Variants in KCNIP4 observed in about 807,000 individuals in gnomAD.
KCNIP4 encodes the protein potassium voltage-gated channel interacting protein 4.
A neutral mutation model predicts 34.0 loss-of-function variants in KCNIP4; 12 were observed. The ratio of observed to expected loss-of-function variants is 0.35; its 90% CI spans 0.23 to 0.57. The LOEUF (loss-of-function observed/expected upper bound fraction) is 0.57, where lower values mean the gene tolerates loss of function less well. Ranked by LOEUF, KCNIP4 falls within the 20% of genes least tolerant of loss-of-function variation. The pLI is 0.83. For missense variants in KCNIP4, 238 were observed against 311.7 expected (o/e 0.76, Z 1.78); for synonymous variants, 124 against 102.2 (o/e 1.21, Z -1.29).
intron 1 of KCNIP4, among the ~76,000 whole-genome samples, chr4:21,253,658 C>T (rs976360017): frequency 2.0e-5 from 3 of 152,124 alleles, no homozygotes; most frequent in Admixed American, 6.5e-5. Flanking sequence ...TTAATACTGG[C>T]TATGTATTAA....
chr4:21,823,767 T>C (rs1047069614), intron 1 of KCNIP4, among the ~76,000 whole-genome samples: 3 of 152,180 alleles, frequency 2.0e-5, no homozygotes, highest in Admixed American at 6.5e-5. Flanking sequence ...TTTTAAATTA[T>C]TGAGATTCTA....
At chr4:21,102,242 G>A (rs1429783989) in intron 1 of KCNIP4, among the ~76,000 whole-genome samples, 1 of 152,186 alleles carries the variant, frequency 6.6e-6, no homozygotes, top group Non-Finnish European at 1.5e-5. Context: ...TGCTGATACA[G>A]AGATTCAAAT....
chr4:21,842,148 A>C (rs752718745), intron 1 of KCNIP4, among the ~76,000 whole-genome samples: 1 of 152,190 alleles, frequency 6.6e-6, no homozygotes, highest in Non-Finnish European at 1.5e-5. Context: ...GCCCCAAAAT[A>C]ATTATTCATG....
At chr4:20,779,345 GA>G (rs994236323) in intron 3 of KCNIP4, among the ~76,000 whole-genome samples, 1 of 152,010 alleles carries the variant, frequency 6.6e-6, no homozygotes, top group East Asian at 1.9e-4. Flanking sequence ...AAAGAGACAA[GA>G]TTATCAAGCT....
chr4:21,624,182 G>A (rs1745170772), intron 1 of KCNIP4, among the ~76,000 whole-genome samples: 1 of 152,080 alleles, frequency 6.6e-6, no homozygotes, highest in Admixed American at 6.6e-5. Context: ...GTGAATTTGG[G>A]CAAGTGACTT....
At chr4:21,125,477 A>C (rs1008755666) in intron 1 of KCNIP4, among the ~76,000 whole-genome samples, 1 of 152,024 alleles carries the variant, frequency 6.6e-6, no homozygotes, top group African/African-American at 2.4e-5. Context: ...GGCCTTCCAA[A>C]GTGTTGGGAT....
At chr4:21,220,541 T>G (rs1413753620) in intron 1 of KCNIP4, among the ~76,000 whole-genome samples, 3 of 152,020 alleles carry the variant, frequency 2.0e-5, no homozygotes, top group Non-Finnish European at 4.4e-5. Context: ...AAATGTACCC[T>G]AAAACTTAAA....
chr4:21,101,882 C>A (rs1247503028), intron 1 of KCNIP4, among the ~76,000 whole-genome samples: 2 of 152,154 alleles, frequency 1.3e-5, no homozygotes, highest in Non-Finnish European at 2.9e-5. Context: ...TAAGTGTATG[C>A]TGATCTCTAA....
At chr4:21,441,331 G>C (rs560255343) in intron 1 of KCNIP4, among the ~76,000 whole-genome samples, 1 of 151,594 alleles carries the variant, frequency 6.6e-6, no homozygotes, top group Non-Finnish European at 1.5e-5. Context: ...TTTTAGTAGA[G>C]ACAGGGTTTC....
rs778798968 is a variant in KCNIP4 at position 20,858,211 on chromosome 4, C to CAAAAA, written c.164-7549_164-7545dup. 1.2e-3 allele frequency among the ~76,000 whole-genome samples: 86 copies of CAAAAA among 70,722 alleles called. 1 individual carries two copies. The highest frequency in any genetic ancestry group is 1.8e-3 in the Non-Finnish European group (60 of 33,764). 46.4% of individuals were successfully genotyped at this position (70,722 alleles called of 152,430 possible). ...GGGCAATGAGAGTGAAACTCCATCT[C>CAAAAA]AAAAAAAAAAAAAAAAAAAAAAAAA... On this transcript the variant is annotated intron_variant, in intron 2 of 8. Coordinates refer to ENST00000382152, the MANE Select transcript of KCNIP4 (RefSeq NM_025221.6).
chr4:20,817,331 G>A (rs540007771), intron 3 of KCNIP4, among the ~76,000 whole-genome samples: 2 of 152,260 alleles, frequency 1.3e-5, no homozygotes, highest in South Asian at 2.1e-4. Context: ...CACAGCCCAT[G>A]CTACTCTGGC....
chr4:21,082,928 A>C (rs2109024161), intron 1 of KCNIP4, among the ~76,000 whole-genome samples: 1 of 151,420 alleles, frequency 6.6e-6, no homozygotes, highest in South Asian at 2.1e-4. Context: ...TTATGTATAC[A>C]CAGAAATATA....
rs1553875541 is a variant in KCNIP4 at position 21,396,557 on chromosome 4, A to AAAAAAAAATAAAT, written c.62-513849_62-513848insATTTATTTTTTTT. Among the ~76,000 whole-genome samples the AAAAAAAAATAAAT allele has an allele frequency of 1.7e-4, 26 of 149,312 alleles. 1 individual carries two copies. The highest frequency in any genetic ancestry group is 3.6e-4 in the Non-Finnish European group (24 of 66,946). On this transcript the variant is annotated intron_variant, in intron 1 of 8. Coordinates refer to ENST00000382152, the MANE Select transcript of KCNIP4 (RefSeq NM_025221.6). The stretch of plus-strand genomic sequence containing the variant: ...GTGACAGAGCAAGACTCCAAAAAAA[A>AAAAAAAAATAAAT]AAAAAAAAAAAGAGGATTCTGATAT...
intron 1 of KCNIP4, among the ~76,000 whole-genome samples, chr4:21,011,775 T>C (rs1739084475): frequency 2.0e-5 from 3 of 152,216 alleles, no homozygotes; most frequent in African/African-American, 7.2e-5. Context: ...TAAAATCATA[T>C]TTCCAAAGTG....
At chr4:21,042,869 T>C (rs192182692) in intron 1 of KCNIP4, among the ~76,000 whole-genome samples, 2 of 152,000 alleles carry the variant, frequency 1.3e-5, no homozygotes, top group Non-Finnish European at 2.9e-5. Flanking sequence ...TAATTTTCTT[T>C]GGGGGAAAAA....
chr4:21,571,676 G>A (rs1740379920), intron 1 of KCNIP4, among the ~76,000 whole-genome samples: 1 of 152,136 alleles, frequency 6.6e-6, no homozygotes, highest in Non-Finnish European at 1.5e-5. Context: ...CATCTGGCTT[G>A]CAGAAGAGAC....
intron 1 of KCNIP4, among the ~76,000 whole-genome samples, chr4:21,520,366 T>C (rs546586205): frequency 6.6e-6 from 1 of 152,218 alleles, no homozygotes; most frequent in South Asian, 2.1e-4. Flanking sequence ...GAAAAATAAA[T>C]GTTTGTCGTT....
At chr4:20,736,733 C>G (rs1749720762) in intron 5 of KCNIP4, among the ~76,000 whole-genome samples, 1 of 152,088 alleles carries the variant, frequency 6.6e-6, no homozygotes. Context: ...TTATACAACC[C>G]TTCCACTTAA....
At chr4:21,519,050 C>T (rs1167453766) in intron 1 of KCNIP4, among the ~76,000 whole-genome samples, 1 of 152,030 alleles carries the variant, frequency 6.6e-6, no homozygotes, top group East Asian at 1.9e-4. Context: ...GAGTAATTTT[C>T]CCACGGTCAC....
Sources: allele counts gnomAD v4.1 joint callset (sites outside exome capture counted in the v4.1 genomes callset), GRCh38; gene constraint gnomAD v4.1.1; transcripts MANE v1.5; gene names NCBI Gene and HGNC (gene_info 2026-07-23, HGNC 2026-07-21).